The following SEMA3E variants were observed in gnomAD, a reference collection of about 807,000 sequenced individuals.
SEMA3E encodes semaphorin 3E.
A neutral mutation model predicts 93.6 loss-of-function variants in SEMA3E; 49 were observed. The observed-to-expected ratio is 0.52, with a 90% CI of 0.42 to 0.66. The LOEUF is 0.66. SEMA3E is among the 30% of genes least tolerant of loss of function. The pLI is 0.00. For missense variants in SEMA3E, 906 were observed against 964.8 expected, an observed-to-expected ratio of 0.94 and a Z score of 0.81; for synonymous variants, 363 against 330.7, an observed-to-expected ratio of 1.10 and a Z score of -1.06.
chr7:83,629,365 G>A (rs1378062083), intron 1 of SEMA3E, among the ~76,000 whole-genome samples: 3 of 152,156 alleles, frequency 2.0e-5, no homozygotes, highest in African/African-American at 7.2e-5. Flanking sequence ...TCTCTTCAGA[G>A]CCAGCAGGCA....
chr7:83,563,689 T>C (rs1792082526), intron 1 of SEMA3E, among the ~76,000 whole-genome samples: 1 of 152,184 alleles, frequency 6.6e-6, no homozygotes, highest in South Asian at 2.1e-4. Context: ...ACCTGCCTCC[T>C]AGAAACTTAA....
intron 1 of SEMA3E, among the ~76,000 whole-genome samples, chr7:83,645,230 T>C (rs1794064444): frequency 6.6e-6 from 1 of 152,022 alleles, no homozygotes; most frequent in Non-Finnish European, 1.5e-5. Flanking sequence ...CTTTCCTTGG[T>C]TTCTGTCCTG....
At chr7:83,423,546 C>T (rs1788710561) in intron 4 of SEMA3E, among the ~76,000 whole-genome samples, 1 of 151,192 alleles carries the variant, frequency 6.6e-6, no homozygotes, top group Non-Finnish European at 1.5e-5. Flanking sequence ...CTCTGTCGCC[C>T]AGGCTGGAGT....
intron 1 of SEMA3E, among the ~76,000 whole-genome samples, chr7:83,609,253 T>C (rs899929637): frequency 6.6e-6 from 1 of 151,986 alleles, no homozygotes; most frequent in Non-Finnish European, 1.5e-5. Flanking sequence ...GATATTTAAA[T>C]AGAAAAACTC....
chr7:83,509,253 G>A (rs1790764243), intron 1 of SEMA3E, among the ~76,000 whole-genome samples: 3 of 152,144 alleles, frequency 2.0e-5, no homozygotes, highest in African/African-American at 7.2e-5. Context: ...TGATTTTCAA[G>A]GGAGAAAATG....
intron 1 of SEMA3E, among the ~76,000 whole-genome samples, chr7:83,558,826 A>T (rs1791970917): frequency 6.6e-6 from 1 of 152,120 alleles, no homozygotes; most frequent in Admixed American, 6.6e-5. Flanking sequence ...TCAAATTTTT[A>T]ACAAATACAA....
chr7:83,538,483 C>T (rs1791452472), intron 1 of SEMA3E, among the ~76,000 whole-genome samples: 2 of 152,156 alleles, frequency 1.3e-5, no homozygotes. Context: ...TGCATATCTT[C>T]CCTGGAGGAG....
intron 1 of SEMA3E, among the ~76,000 whole-genome samples, chr7:83,601,388 T>G (rs893024745): frequency 6.6e-6 from 1 of 151,838 alleles, no homozygotes; most frequent in Non-Finnish European, 1.5e-5. Context: ...TTAAATCACA[T>G]TTTGCCATTT....
intron 1 of SEMA3E, among the ~76,000 whole-genome samples, chr7:83,562,961 T>C (rs1355660719): frequency 6.6e-6 from 1 of 152,194 alleles, no homozygotes; most frequent in Non-Finnish European, 1.5e-5. Flanking sequence ...CTCTCAGCTC[T>C]ATTCTCCTTT....
intron 1 of SEMA3E, among the ~76,000 whole-genome samples, chr7:83,519,217 C>A (rs559088795): frequency 6.6e-6 from 1 of 151,630 alleles, no homozygotes; most frequent in African/African-American, 2.4e-5. Flanking sequence ...TGAGAATATG[C>A]GGTGTTTGGT....
intron 14 of SEMA3E, among the ~76,000 whole-genome samples, chr7:83,390,136 T>C (rs1787984641): frequency 2.1e-5 from 1 of 46,628 alleles, no homozygotes; most frequent in African/African-American, 7.7e-5. Context: ...CGTGTGCACA[T>C]ATATGCGCGT....
intron 1 of SEMA3E, among the ~76,000 whole-genome samples, chr7:83,545,582 AAAAC>A (rs1390721356): frequency 7.2e-6 from 1 of 138,016 alleles, no homozygotes; most frequent in East Asian, 2.1e-4. Flanking sequence ...AATAGTGGAG[AAAAC>A]AAACAGATGT....
Position 83,629,594 on chromosome 7 carries a change from A to G in SEMA3E, c.115+18834T>C, listed in dbSNP as rs42003. On this transcript the variant is annotated intron_variant, in intron 1 of 16. Coordinates refer to ENST00000643230, the MANE Select transcript of SEMA3E (RefSeq NM_012431.3). ...CCCGGTGGCTGTGTTTATACTGTGA[A>G]GGGAAAACCGCCTACTCAAGCCTCA... Among the ~76,000 whole-genome samples, 1,084 of 152,244 alleles carry G rather than the reference A, an allele frequency of 7.1e-3. 17 individuals carry two copies. The highest frequency in any genetic ancestry group is 7.5e-3 in the Admixed American group (114 of 15,292).
At chr7:83,454,449 T>A (rs1187295691) in intron 4 of SEMA3E, among the ~76,000 whole-genome samples, 2 of 151,670 alleles carry the variant, frequency 1.3e-5, no homozygotes, top group Non-Finnish European at 2.9e-5. Context: ...AAGATATGCA[T>A]ATTTATTTGT....
chr7:83,585,283 C>A (rs1473460683), intron 1 of SEMA3E, among the ~76,000 whole-genome samples: 4 of 152,184 alleles, frequency 2.6e-5, no homozygotes, highest in Non-Finnish European at 5.9e-5. Context: ...ATAACACTCA[C>A]TAAAATTAGC....
At chr7:83,381,285 G>A (rs761610985) in intron 16 of SEMA3E, among the ~76,000 whole-genome samples, 22 of 151,912 alleles carry the variant, frequency 1.4e-4, no homozygotes, top group Non-Finnish European at 3.1e-4. Flanking sequence ...TCTCCCTACT[G>A]CTCACTAACC....
chr7:83,516,834 G>T (rs1456460124), intron 1 of SEMA3E, among the ~76,000 whole-genome samples: 1 of 151,790 alleles, frequency 6.6e-6, no homozygotes. Flanking sequence ...GAGAGCATTT[G>T]CTTTTACCAG....
chr7:83,556,862 C>T (rs931419211), intron 1 of SEMA3E, among the ~76,000 whole-genome samples: 1 of 152,112 alleles, frequency 6.6e-6, no homozygotes, highest in Non-Finnish European at 1.5e-5. Flanking sequence ...GGAGACAAGT[C>T]AGGCCCTTTC....
intron 4 of SEMA3E, among the ~76,000 whole-genome samples, chr7:83,422,014 C>G (rs530329690): frequency 6.6e-6 from 1 of 152,124 alleles, no homozygotes; most frequent in South Asian, 2.1e-4. Context: ...CCAGTCTCTA[C>G]TAAAAATACA....
Sources: allele counts gnomAD v4.1 joint callset (sites outside exome capture counted in the v4.1 genomes callset), GRCh38; gene constraint gnomAD v4.1.1; transcripts MANE v1.5; gene names NCBI Gene and HGNC (gene_info 2026-07-23, HGNC 2026-07-21).